The following CNBD1 variants were observed in gnomAD, a reference collection of about 807,000 sequenced individuals.
CNBD1 encodes the protein cyclic nucleotide-binding domain-containing protein 1.
Under a neutral mutation model 54.4 loss-of-function variants are expected in CNBD1, and 71 were observed. The ratio of observed to expected loss-of-function variants is 1.30; its 90% confidence interval spans 1.08 to 1.59. CNBD1 has a LOEUF of 1.59. Among genes scored for constraint, CNBD1 ranks in the 40% most tolerant of loss-of-function variants. The pLI, the probability that CNBD1 is intolerant of heterozygous loss-of-function variation, is 0.00. For missense variants in CNBD1, 659 were observed against 518.0 expected (o/e 1.27, Z -2.64); for synonymous variants, 182 against 170.7 (o/e 1.07, Z -0.51).
At chr8:87,409,301 A>T (rs1366147853) in intron 2 of CNBD1, among the ~76,000 whole-genome samples, 1 of 152,166 alleles carries the variant, frequency 6.6e-6, no homozygotes, top group Non-Finnish European at 1.5e-5. Flanking sequence ...CACTCCCTCA[A>T]GCCTCAGCAT....
At chr8:87,341,005 C>T (rs1810052919) in intron 8 of CNBD1, among the ~76,000 whole-genome samples, 1 of 151,974 alleles carries the variant, frequency 6.6e-6, no homozygotes, top group Non-Finnish European at 1.5e-5. Flanking sequence ...AACTATCTAT[C>T]TCTTTAATTT....
chr8:87,356,553 A>C (rs532092271), intron 10 of CNBD1, among the ~76,000 whole-genome samples: 1 of 152,310 alleles, frequency 6.6e-6, no homozygotes, highest in African/African-American at 2.4e-5. Flanking sequence ...GAAATTTCTA[A>C]GCAGCAAAAC....
At chr8:87,040,905 A>G (rs1810053676) in intron 4 of CNBD1, among the ~76,000 whole-genome samples, 1 of 151,904 alleles carries the variant, frequency 6.6e-6, no homozygotes, top group Non-Finnish European at 1.5e-5. Flanking sequence ...TCCTCCCATT[A>G]TTAATTTATA....
intron 3 of CNBD1, among the ~76,000 whole-genome samples, chr8:86,927,737 A>C (rs1470154826): frequency 2.6e-5 from 4 of 152,174 alleles, no homozygotes; most frequent in African/African-American, 9.7e-5. Context: ...TCAAAGGGAC[A>C]AGGAGAGGTG....
chr8:87,306,287 A>G (rs1352673166), intron 8 of CNBD1, among the ~76,000 whole-genome samples: 1 of 152,198 alleles, frequency 6.6e-6, no homozygotes, highest in Non-Finnish European at 1.5e-5. Context: ...GAACACTTTT[A>G]TACTGCTGGT....
At chr8:87,424,986 A>C (rs1225066260) in intron 2 of CNBD1, among the ~76,000 whole-genome samples, 1 of 152,072 alleles carries the variant, frequency 6.6e-6, no homozygotes, top group East Asian at 1.9e-4. Context: ...GTCTTTTCAC[A>C]TAGTCCCATA....
At position 87,222,424 on chromosome 8, in the gene CNBD1, A is replaced by G. The variant is rs370057866; in HGVS notation, c.578-14495A>G. ...CAGTCTACTGGCAGAGACTGAAAAC[A>G]AAGAGTGCCATGGCAAAAATTCTGT... On this transcript the variant is annotated intron_variant, in intron 5 of 10. Transcript: ENST00000518476. Among the ~76,000 whole-genome samples, 9 of 152,274 alleles carry G rather than the reference A, an allele frequency of 5.9e-5. No homozygotes were observed. The East Asian group carries it at 1.4e-3, about 23-fold the overall frequency.
At chr8:87,381,448 G>A (rs973799532) in intron 10 of CNBD1, among the ~76,000 whole-genome samples, 2 of 151,900 alleles carry the variant, frequency 1.3e-5, no homozygotes, top group African/African-American at 2.4e-5. Context: ...AAATGATGTA[G>A]CCACTATGGA....
At chr8:87,357,382 C>G (rs896980185) in intron 10 of CNBD1, among the ~76,000 whole-genome samples, 1 of 152,182 alleles carries the variant, frequency 6.6e-6, no homozygotes, top group East Asian at 1.9e-4. Context: ...TGGGCTGCAT[C>G]CAGCAAAGCT....
chr8:87,374,466 A>G (rs1304403640), intron 10 of CNBD1, among the ~76,000 whole-genome samples: 1 of 151,836 alleles, frequency 6.6e-6, no homozygotes, highest in Non-Finnish European at 1.5e-5. Flanking sequence ...ATAACAGACT[A>G]TTACTGAGGA....
intron 8 of CNBD1, among the ~76,000 whole-genome samples, chr8:87,341,106 C>T (rs1234946287): frequency 6.6e-6 from 1 of 152,090 alleles, no homozygotes; most frequent in African/African-American, 2.4e-5. Context: ...TTAGATGTAT[C>T]TTCTTGGACT....
intron 4 of CNBD1, among the ~76,000 whole-genome samples, chr8:87,005,356 C>T (rs771117721): frequency 6.6e-6 from 1 of 150,896 alleles, no homozygotes; most frequent in Non-Finnish European, 1.5e-5. Context: ...GGCAACAGAG[C>T]GAGACTCCGT....
At chr8:87,225,842 A>G (rs1202413532) in intron 5 of CNBD1, among the ~76,000 whole-genome samples, 4 of 145,870 alleles carry the variant, frequency 2.7e-5, no homozygotes, top group South Asian at 2.1e-4. Context: ...TACCTCTGGT[A>G]GAATTCAGCT....
At chr8:87,078,369 G>A (rs749055205) in intron 4 of CNBD1, among the ~76,000 whole-genome samples, 6 of 152,188 alleles carry the variant, frequency 3.9e-5, no homozygotes, top group Non-Finnish European at 8.8e-5. Flanking sequence ...CTGTGTGAAT[G>A]TTGCTAGTTT....
chr8:87,358,530 A>T (rs78765460), intron 10 of CNBD1, among the ~76,000 whole-genome samples: 3,673 of 152,090 alleles, frequency 0.024, 153 homozygotes, highest in African/African-American at 0.081. Context: ...TTTATGTAAA[A>T]CAACATTTCA....
At chr8:86,871,592 C>G (rs1586101331) in intron 1 of CNBD1, among the ~76,000 whole-genome samples, 1 of 152,208 alleles carries the variant, frequency 6.6e-6, no homozygotes. Context: ...ATTCTTCCAT[C>G]TATGTAACTC....
At chr8:87,370,261 T>G (rs1810749729) in intron 10 of CNBD1, among the ~76,000 whole-genome samples, 1 of 152,090 alleles carries the variant, frequency 6.6e-6, no homozygotes, top group Non-Finnish European at 1.5e-5. Flanking sequence ...GATGGCTGGG[T>G]CAAATGGTAT....
At chr8:87,321,428 G>C (rs1287255114) in intron 8 of CNBD1, among the ~76,000 whole-genome samples, 3 of 152,094 alleles carry the variant, frequency 2.0e-5, no homozygotes, top group Non-Finnish European at 4.4e-5. Context: ...ATTTTGATTT[G>C]TGTTTGTGTA....
At chr8:87,267,368 A>C (rs1385448373) in intron 6 of CNBD1, among the ~76,000 whole-genome samples, 1 of 152,198 alleles carries the variant, frequency 6.6e-6, no homozygotes, top group Non-Finnish European at 1.5e-5. Context: ...CAAATGAAAA[A>C]AAATTAGACA....
Sources: allele counts gnomAD v4.1 joint callset (sites outside exome capture counted in the v4.1 genomes callset), GRCh38; gene constraint gnomAD v4.1.1; transcripts MANE v1.5; gene names NCBI Gene and HGNC (gene_info 2026-07-23, HGNC 2026-07-21).